The following NREP variants were observed in gnomAD, a reference collection of about 807,000 sequenced individuals.
NREP encodes neuronal regeneration related protein, also known as neuronal regeneration-related protein.
Under a neutral mutation model 8.6 loss-of-function variants are expected in NREP, and 5 were observed. The observed-to-expected ratio is 0.58, with a 90% CI of 0.30 to 1.22. The LOEUF is 1.22. Among genes scored for constraint, NREP ranks in the 50% most tolerant of loss-of-function variants. The pLI, the probability that NREP is intolerant of heterozygous loss-of-function variation, is 0.07. For synonymous variants in NREP, 27 were observed against 28.0 expected (o/e 0.96, Z 0.11); for missense variants, 86 against 82.5 (o/e 1.04, Z -0.17).
At chr5:111,921,690 A>G (rs1260671622) in intron 2 of NREP, among the ~76,000 whole-genome samples, 2 of 152,280 alleles carry the variant, frequency 1.3e-5, no homozygotes, top group East Asian at 1.9e-4. Flanking sequence ...TGGTCCCTAC[A>G]CTTGCTATGA....
upstream of NREP, chr5:111,758,235 A>G: frequency 1.2e-5 from 12 of 985,574 alleles, no homozygotes; most frequent in Non-Finnish European, 1.4e-5. Context: ...ACACACGTGC[A>G]CACAGTCACA....
At chr5:111,736,757 A>T (rs1340211712) in intron 2 of NREP, among the ~76,000 whole-genome samples, 1 of 152,164 alleles carries the variant, frequency 6.6e-6, no homozygotes, top group Non-Finnish European at 1.5e-5. Flanking sequence ...TACATTACTT[A>T]ATTTGTCCTG....
chr5:111,851,184 T>A (rs773328234), intron 2 of NREP, among the ~76,000 whole-genome samples: 4 of 152,210 alleles, frequency 2.6e-5, no homozygotes, highest in Non-Finnish European at 5.9e-5. Flanking sequence ...CATAGATATG[T>A]ATATGACATA....
intron 2 of NREP, among the ~76,000 whole-genome samples, chr5:111,830,293 G>T (rs924696420): frequency 7.9e-5 from 12 of 152,192 alleles, no homozygotes; most frequent in African/African-American, 2.7e-4. Flanking sequence ...AAGTTTAAAA[G>T]ATCTTACAAT....
chr5:111,791,855 T>C (rs1284285475), intron 2 of NREP, among the ~76,000 whole-genome samples: 1 of 152,232 alleles, frequency 6.6e-6, no homozygotes, highest in East Asian at 1.9e-4. Flanking sequence ...AACTGTCTAA[T>C]TGGGCTATGT....
intron 2 of NREP, among the ~76,000 whole-genome samples, chr5:111,858,146 A>G (rs952817360): frequency 6.6e-6 from 1 of 152,078 alleles, no homozygotes; most frequent in Non-Finnish European, 1.5e-5. Flanking sequence ...ATTTTTATGT[A>G]TTACACCAGA....
chr5:111,805,117 CTGA>C (rs140670915), intron 2 of NREP, among the ~76,000 whole-genome samples: 10,145 of 152,226 alleles, frequency 0.067, 1,150 homozygotes, highest in African/African-American at 0.23. Context: ...TTCAGCTTCA[CTGA>C]TGATAAGGTA....
chr5:111,788,066 G>C (rs767333664), intron 2 of NREP, among the ~76,000 whole-genome samples: 1 of 152,012 alleles, frequency 6.6e-6, no homozygotes, highest in Non-Finnish European at 1.5e-5. Context: ...CCTCCACCCT[G>C]GGTAACAAAG....
At chr5:111,811,160 G>A (rs979274820) in intron 2 of NREP, among the ~76,000 whole-genome samples, 2 of 151,920 alleles carry the variant, frequency 1.3e-5, no homozygotes, top group East Asian at 1.9e-4. Context: ...GCCTATGCCC[G>A]CCTTTAGACC....
chr5:111,892,432 G>T (rs1360013416), intron 2 of NREP, among the ~76,000 whole-genome samples: 1 of 152,004 alleles, frequency 6.6e-6, no homozygotes, highest in Non-Finnish European at 1.5e-5. Flanking sequence ...AGTCACTCAG[G>T]GCACAATCCC....
In NREP at chr5:111,968,424, A is replaced by T. The variant is rs151067320; in HGVS notation, c.135+6850T>A. ...ACATGTTTAGTTTGAATAAAAGAAA[A>T]ATGAGCACTGTTTTAAAATATTTAA... On this transcript the variant is annotated intron_variant, in intron 2 of 3. Transcript: ENST00000395634. Among the ~76,000 whole-genome samples the T allele has an allele frequency of 4.1e-3, 630 of 152,308 alleles. 19 individuals carry two copies. The highest frequency in any genetic ancestry group is 0.03 in the Admixed American group (455 of 15,304).
At chr5:111,921,352 C>T (rs994069552) in intron 2 of NREP, among the ~76,000 whole-genome samples, 2 of 152,092 alleles carry the variant, frequency 1.3e-5, no homozygotes, top group African/African-American at 2.4e-5. Flanking sequence ...GCCATGATCT[C>T]CAATTCAGCC....
chr5:111,947,136 T>C (rs988133943), intron 2 of NREP, among the ~76,000 whole-genome samples: 12 of 152,078 alleles, frequency 7.9e-5, no homozygotes, highest in Admixed American at 7.2e-4. Context: ...AAATAATGTA[T>C]AACTATAGAA....
At chr5:111,813,483 T>C (rs949862764) in intron 2 of NREP, among the ~76,000 whole-genome samples, 13 of 152,260 alleles carry the variant, frequency 8.5e-5, no homozygotes, top group African/African-American at 2.4e-4. Flanking sequence ...CTTGTATTCG[T>C]TCATGCTTAT....
intron 2 of NREP, among the ~76,000 whole-genome samples, chr5:111,789,269 G>C (rs1387290464): frequency 6.6e-6 from 1 of 151,870 alleles, no homozygotes; most frequent in Non-Finnish European, 1.5e-5. Context: ...TCTTTCTCTT[G>C]ACAAATTTCA....
intron 2 of NREP, among the ~76,000 whole-genome samples, chr5:111,772,305 TAGA>T (rs1751249584): frequency 6.6e-6 from 1 of 152,174 alleles, no homozygotes; most frequent in African/African-American, 2.4e-5. Flanking sequence ...GGTGAGAGAA[TAGA>T]AGGTTTTTTG....
intron 2 of NREP, among the ~76,000 whole-genome samples, chr5:111,780,731 G>C (rs1409689326): frequency 6.6e-6 from 1 of 152,130 alleles, no homozygotes; most frequent in Non-Finnish European, 1.5e-5. Context: ...AATAGTCATA[G>C]GTGATTTGGA....
intron 2 of NREP, among the ~76,000 whole-genome samples, chr5:111,794,995 TAA>T (rs71982267): frequency 1.8e-3 from 230 of 130,322 alleles, no homozygotes; most frequent in Non-Finnish European, 1.8e-3. Context: ...AAAGCTGCTC[TAA>T]AAAAAAAAAA....
intron 2 of NREP, among the ~76,000 whole-genome samples, chr5:111,813,188 T>C (rs1752307248): frequency 6.6e-6 from 1 of 152,190 alleles, no homozygotes; most frequent in Non-Finnish European, 1.5e-5. Flanking sequence ...TCCCCAAAGT[T>C]ATTTAGCTGG....
Sources: allele counts gnomAD v4.1 joint callset (sites outside exome capture counted in the v4.1 genomes callset), GRCh38; gene constraint gnomAD v4.1.1; transcripts MANE v1.5; gene names NCBI Gene and HGNC (gene_info 2026-07-23, HGNC 2026-07-21).